The following ABCB1 variants were observed in gnomAD, a reference collection of about 807,000 sequenced individuals.
ABCB1 encodes the protein ATP-dependent translocase ABCB1.
A neutral mutation model predicts 142.0 loss-of-function variants in ABCB1; 69 were observed. That is an observed-to-expected ratio of 0.49 (90% CI 0.40 to 0.59). ABCB1 has a LOEUF of 0.59. Among genes scored for constraint, ABCB1 ranks in the 20% least tolerant of loss-of-function variants. The probability of loss-of-function intolerance (pLI) is 0.00; values close to 1 mark genes in which losing one functional copy is unlikely to be tolerated. For synonymous variants in ABCB1, 532 were observed against 539.2 expected (o/e 0.99, Z 0.18); for missense variants, 1,326 against 1,554.7 (o/e 0.85, Z 2.47).
At chr7:87,550,105 A>T in intron 12 of ABCB1, 51 bp from the exon 13 acceptor site, 1 of 1,614,134 alleles carries the variant, frequency 6.2e-7, no homozygotes, top group African/African-American at 1.3e-5. Flanking sequence ...TGAAAGGGCA[A>T]CATCAGAAAG....
At chr7:87,509,165 T>G (rs1814888678) in intron 26 of ABCB1, 110 bp downstream of exon 26, 1 of 1,088,836 alleles carries the variant, frequency 9.2e-7, no homozygotes, top group African/African-American at 1.5e-5. Context: ...AGGGTGTGAT[T>G]TGGTTGCTAA....
intron 19 of ABCB1, among the ~76,000 whole-genome samples, chr7:87,537,282 G>T (rs1049067997): frequency 2.0e-5 from 3 of 152,204 alleles, no homozygotes; most frequent in African/African-American, 7.2e-5. Flanking sequence ...CATAGTGTAT[G>T]GTCTTACAGG....
At chr7:87,697,946 A>G (rs1585131265) in intron 1 of ABCB1, among the ~76,000 whole-genome samples, 1 of 152,168 alleles carries the variant, frequency 6.6e-6, no homozygotes, top group East Asian at 1.9e-4. Flanking sequence ...GATGACATGA[A>G]AAGTGCCCTA....
At chr7:87,551,784 A>C (rs1388937562) in intron 9 of ABCB1, among the ~76,000 whole-genome samples, 1 of 152,238 alleles carries the variant, frequency 6.6e-6, no homozygotes, top group East Asian at 1.9e-4. Context: ...CAATGATTTA[A>C]ATTTCACAGG....
At chr7:87,624,064 G>C (rs886743305) in intron 1 of ABCB1, among the ~76,000 whole-genome samples, 1 of 152,050 alleles carries the variant, frequency 6.6e-6, no homozygotes, top group Non-Finnish European at 1.5e-5. Context: ...CTTTGTCTAT[G>C]ATTTGAGTTT....
Position 87,515,447 on chromosome 7 carries a change from CA to C in ABCB1, c.3085-20del, listed in dbSNP as rs1288868166. ...ATGTGTTCTGCAATGAGAAGAATAACAGTAAATTTGAATGCTGCAATACTGA... is the reference window on the plus strand; with the variant it reads ...ATGTGTTCTGCAATGAGAAGAATAACGTAAATTTGAATGCTGCAATACTGA... On this transcript the variant is annotated intron_variant, in intron 24 of 27. Coordinates refer to ENST00000622132, the MANE Select transcript of ABCB1 (RefSeq NM_001348946.2). 1.9e-6 allele frequency: 3 copies of C among 1,611,938 alleles called. No individual in the cohort carries two copies. The highest frequency in any genetic ancestry group is 2.5e-6 in the Non-Finnish European group (3 of 1,178,102).
At chr7:87,662,972 T>C (rs1824863659) in intron 1 of ABCB1, among the ~76,000 whole-genome samples, 1 of 152,128 alleles carries the variant, frequency 6.6e-6, no homozygotes, top group African/African-American at 2.4e-5. Context: ...CCTTCTTTGG[T>C]AAAGTTTATT....
chr7:87,545,097 G>A (rs1447032201), intron 15 of ABCB1, 98 bp from the exon 16 acceptor site: 3 of 1,075,244 alleles, frequency 2.8e-6, no homozygotes, highest in Non-Finnish European at 4.2e-6. Flanking sequence ...ACAGCAATTT[G>A]TTTAGTAACT....
chr7:87,539,711 G>A (rs1816448305), intron 18 of ABCB1, among the ~76,000 whole-genome samples: 2 of 152,162 alleles, frequency 1.3e-5, no homozygotes, highest in Non-Finnish European at 2.9e-5. Flanking sequence ...TGAGGAGTTG[G>A]GTGGTCTAAC....
intron 3 of ABCB1, among the ~76,000 whole-genome samples, chr7:87,592,111 C>A (rs557276681): frequency 2.4e-4 from 37 of 152,148 alleles, no homozygotes; most frequent in Non-Finnish European, 4.3e-4. Flanking sequence ...CAAGACAGAA[C>A]GCAAAGGCCA....
At chr7:87,563,399 G>T (rs1817654682) in intron 7 of ABCB1, 2 of 454,740 alleles carry the variant, frequency 4.4e-6, no homozygotes, top group Non-Finnish European at 4.4e-6. Context: ...GAACAAATAT[G>T]ATACAAATAT....
intron 2 of ABCB1, among the ~76,000 whole-genome samples, chr7:87,597,333 A>G (rs775625490): frequency 6.6e-5 from 10 of 152,090 alleles, no homozygotes; most frequent in Non-Finnish European, 1.3e-4. Flanking sequence ...ATCTTTGCTA[A>G]TAGTCATATT....
upstream of ABCB1, among the ~76,000 whole-genome samples, chr7:87,604,408 G>A (rs975634146): frequency 6.6e-6 from 1 of 151,534 alleles, no homozygotes; most frequent in Admixed American, 6.6e-5. Flanking sequence ...TGACTCACTT[G>A]TGTTAACAAT....
chr7:87,663,080 A>G lies in ABCB1; in HGVS notation c.-331+50081T>C, dbSNP rs188181067. On this transcript the variant is annotated intron_variant, in intron 1 of 28. Transcript: ENST00000265724. ...TATAGGAAAGCTGCTGACTTTTTGT[A>G]TGTTGATTTTGTATCCTGCAACTTT... Among the ~76,000 whole-genome samples the G allele has an allele frequency of 1.5e-3, 227 of 152,152 alleles. 4 individuals carry two copies. The highest frequency in any genetic ancestry group is 2.3e-3 in the Non-Finnish European group (154 of 67,952).
At position 87,540,918 on chromosome 7, in the gene ABCB1, G is replaced by A. The variant is rs541018431; in HGVS notation, c.2319+439C>T. ...CTTTCTCCTTGAACAAAAGTTGAACGATAAACTCTTCAAACCCTTTTTAAA... is the reference window on the plus strand; with the variant it reads ...CTTTCTCCTTGAACAAAAGTTGAACAATAAACTCTTCAAACCCTTTTTAAA... On this transcript the variant is annotated intron_variant, in intron 18 of 27. Coordinates refer to ENST00000622132, the MANE Select transcript of ABCB1 (RefSeq NM_001348946.2). Among the ~76,000 whole-genome samples the A allele has an allele frequency of 5.3e-5, 8 of 152,268 alleles. No individual in the cohort carries two copies. The South Asian group carries it at 1.5e-3, about 28-fold the overall frequency.
chr7:87,705,924 T>C (rs992418406), intron 1 of ABCB1, among the ~76,000 whole-genome samples: 1 of 152,216 alleles, frequency 6.6e-6, no homozygotes, highest in African/African-American at 2.4e-5. Flanking sequence ...TCCTTCTTGC[T>C]TTTTCATTTT....
chr7:87,709,448 G>A, intron 1 of ABCB1: 1 of 985,290 alleles, frequency 1.0e-6, no homozygotes, highest in Non-Finnish European at 1.2e-6. Context: ...GTTCCCCTAG[G>A]CTTACTCAGA....
chr7:87,539,225 G>T (rs202115454), intron 19 of ABCB1, 43 bp downstream of exon 19: 182 of 1,584,370 alleles, frequency 1.1e-4, no homozygotes, highest in Non-Finnish European at 1.5e-4. Context: ...GGCACACATG[G>T]GGAGTTCTAC....
In ABCB1 at chr7:87,550,794, T is replaced by TG; in HGVS notation, c.1043dup (p.Ser349IlefsTer5). 1 of 1,613,840 alleles carries TG rather than the reference T, an allele frequency of 6.2e-7. No homozygotes were observed. Among genetic ancestry groups the TG allele is most frequent in the Non-Finnish European group, 8.5e-7 (1 of 1,179,742 alleles). The stretch of plus-strand genomic sequence containing the variant: ...TTGCAAATGCTTCAATGCTTGGAGA[T>TG]GCCTGTCCAACACTAAAAGCCCCAA... On this transcript the variant is annotated frameshift_variant, in exon 10 of 28. Transcript: ENST00000622132. LOFTEE classifies it high-confidence loss of function.
Sources: allele counts gnomAD v4.1 joint callset (sites outside exome capture counted in the v4.1 genomes callset), GRCh38; gene constraint gnomAD v4.1.1; transcripts MANE v1.5; gene names NCBI Gene and HGNC (gene_info 2026-07-23, HGNC 2026-07-21).